PIEZO1: variants seen among roughly 807,000 people sequenced by gnomAD.
The protein encoded by PIEZO1 is piezo-type mechanosensitive ion channel component 1.
PIEZO1 carries 296 observed loss-of-function variants against 297.2 expected under a neutral mutation model. The ratio of observed to expected loss-of-function variants is 1.00; its 90% CI spans 0.91 to 1.10. PIEZO1 has a LOEUF of 1.10. PIEZO1 is among the 50% of genes least tolerant of loss of function. The probability of loss-of-function intolerance (pLI) is 0.00; values close to 1 mark genes in which losing one functional copy is unlikely to be tolerated. For missense variants in PIEZO1, 5,018 were observed against 3,455.5 expected (o/e 1.45, Z -11.34); for synonymous variants, 2,427 against 1,507.5 (o/e 1.61, Z -14.13).
chr16:88,716,630 A>G lies in PIEZO1; in HGVS notation c.6855T>C (p.Arg2285=). 4 of 1,549,938 alleles carry G rather than the reference A, an allele frequency of 2.6e-6. No individual in the cohort carries two copies. Among genetic ancestry groups the G allele is most frequent in the Non-Finnish European group, 3.5e-6 (4 of 1,146,910 alleles). Reference sequence around the variant, plus strand: ...TGTAGAGCTCCCGCTTCATCTGGGCACGGCTGGGGGGACTGATGCGCCACA... The same window carrying G: ...TGTAGAGCTCCCGCTTCATCTGGGCGCGGCTGGGGGGACTGATGCGCCACA... The part of the protein sequence containing the change: ...GALWRISPPS[R]AQMKRELYNG... The change falls in exon 47 of 51, where the codon CGT becomes CGC. Residue 2285 remains arginine (R), a synonymous_variant. Transcript: ENST00000301015.
chr16:88,737,794 C>A lies in PIEZO1; in HGVS notation c.1041G>T (p.Gly347=), dbSNP rs762349176. Residue 347 remains glycine, a synonymous_variant, in exon 9 of 51, where the codon GGG becomes GGT. Transcript: ENST00000301015. ...CTAGCTCCAGCTCCCGAGCCTCATA[C>A]CCCTTTGCCGCCTCCTTCCTCTGCA... ...PSGQRKEAAK[G]YEARELELAE... 2 of 1,535,838 alleles carry A rather than the reference C, an allele frequency of 1.3e-6. No homozygotes were observed. Among genetic ancestry groups the A allele is most frequent in the South Asian group, 1.2e-5 (1 of 84,064 alleles).
intron 21 of PIEZO1, 116 bp downstream of exon 21, chr16:88,732,219 T>G (rs1904899094): frequency 2.3e-6 from 2 of 871,306 alleles, no homozygotes; most frequent in Non-Finnish European, 3.6e-6. Context: ...TCCCCCACCC[T>G]CTGTGGCCCA....
At chr16:88,775,487 G>C (rs1246181002) in intron 1 of PIEZO1, among the ~76,000 whole-genome samples, 3 of 152,178 alleles carry the variant, frequency 2.0e-5, no homozygotes, top group Non-Finnish European at 4.4e-5. Context: ...CCAGCACTTT[G>C]GGAGGCCAAG....
At position 88,721,839 on chromosome 16, in the gene PIEZO1, C is replaced by T. The variant is rs1250878845; in HGVS notation, c.5183G>A (p.Arg1728His). Residue 1728 changes from arginine (R) to histidine (H), a missense_variant, in exon 37 of 51, where the codon CGC becomes CAC. Arg to His is a conservative substitution (Grantham distance 29). Transcript: ENST00000301015. ...AMLSIPRPSKRFWMTAIVFTE... is the reference protein window; with the variant it reads ...AMLSIPRPSKHFWMTAIVFTE... ...GAAGACGATGGCCGTCATCCAGAAGCGCTTGCTGGGCCTCGGGATCGACAG... is the reference window on the plus strand; with the variant it reads ...GAAGACGATGGCCGTCATCCAGAAGTGCTTGCTGGGCCTCGGGATCGACAG... 7.7e-6 allele frequency: 12 copies of T among 1,548,728 alleles called. No individual in the cohort carries two copies. The highest frequency in any genetic ancestry group is 2.7e-5 in the African/African-American group (2 of 73,154).
intron 1 of PIEZO1, among the ~76,000 whole-genome samples, chr16:88,769,749 T>G (rs900707786): frequency 1.4e-5 from 2 of 145,620 alleles, no homozygotes; most frequent in African/African-American, 5.2e-5. Context: ...AAACACAACA[T>G]GTAGCTCTGG....
At chr16:88,733,012 C>CAGGGGTGGG (rs1370525268) in intron 19 of PIEZO1, 1 of 582,700 alleles carries the variant, frequency 1.7e-6, no homozygotes, top group African/African-American at 1.9e-5. Flanking sequence ...TCTCCCTGTC[C>CAGGGGTGGG]AGGGGTGGGG....
intron 1 of PIEZO1, among the ~76,000 whole-genome samples, chr16:88,763,543 C>A (rs1432946369): frequency 6.6e-6 from 1 of 152,206 alleles, no homozygotes; most frequent in Admixed American, 6.5e-5. Context: ...CAGAACAGAA[C>A]AGGAAGGCAC....
intron 1 of PIEZO1, 151 bp downstream of exon 1, chr16:88,784,750 G>T: frequency 2.1e-6 from 1 of 486,682 alleles, no homozygotes; most frequent in Non-Finnish European, 3.2e-6. Flanking sequence ...CATGCTTCAG[G>T]AATGCGGGCG....
chr16:88,782,042 C>T (rs1907960833), intron 1 of PIEZO1, among the ~76,000 whole-genome samples: 1 of 152,250 alleles, frequency 6.6e-6, no homozygotes, highest in Admixed American at 6.5e-5. Context: ...TTCCGCAGCC[C>T]TGTCTAGATT....
chr16:88,758,221 C>T (rs1597478156), intron 1 of PIEZO1, among the ~76,000 whole-genome samples: 1 of 152,164 alleles, frequency 6.6e-6, no homozygotes, highest in African/African-American at 2.4e-5. Flanking sequence ...CAGCCCAAGT[C>T]CTTGTGCACC....
chr16:88,752,106 C>G (rs1166189962), intron 1 of PIEZO1, among the ~76,000 whole-genome samples: 2 of 152,174 alleles, frequency 1.3e-5, no homozygotes. Context: ...CGAAGAAGTT[C>G]TAGAGATGGG....
rs1904544925 is a variant in PIEZO1 at position 88,727,580 on chromosome 16, G to A, written c.3278C>T (p.Ala1093Val). The A allele has an allele frequency of 9.2e-6, 14 of 1,524,514 alleles. No homozygotes were observed. Among genetic ancestry groups the A allele is most frequent in the Non-Finnish European group, 1.2e-5 (13 of 1,128,756 alleles). 94.4% of individuals were successfully genotyped at this position (1,524,514 alleles called of 1,614,324 possible). The change falls in exon 23 of 51, where the codon GCC becomes GTC. Residue 1093 changes from alanine to valine, a missense_variant. Physicochemically the swap from Ala to Val is moderately conservative, Grantham distance 64. Transcript: ENST00000301015. ...KWLYLPDFFR[A>V]PNSTNLISDF... is the part of the protein sequence containing the mutation. ...ACTGATGAGGTTGGTGGAGTTGGGG[G>A]CCCGGAAGAAATCAGGCAGGTACAG...
At chr16:88,776,691 A>G (rs1185664795) in intron 1 of PIEZO1, among the ~76,000 whole-genome samples, 1 of 152,246 alleles carries the variant, frequency 6.6e-6, no homozygotes, top group Non-Finnish European at 1.5e-5. Flanking sequence ...TAGGGGATTC[A>G]GCAGACGGGA....
intron 29 of PIEZO1, 45 bp downstream of exon 29, chr16:88,725,371 A>G (rs776026753): frequency 6.0e-6 from 7 of 1,163,626 alleles, no homozygotes; most frequent in African/African-American, 4.7e-5. Flanking sequence ...AGGCACAGAC[A>G]TGCTGGACAC....
In PIEZO1 at chr16:88,723,254, C is replaced by G; in HGVS notation, c.4410G>C (p.Arg1470Ser). Residue 1470 changes from arginine to serine, a missense_variant, in exon 32 of 51, where the codon AGG becomes AGC. By Grantham distance (110) the Arg-to-Ser change is moderately radical. Transcript: ENST00000301015. Reference sequence around the variant, plus strand: ...TGGGTAGCTGTCCTGCCTGTTCCTGCCTTGCCTGCTCCTGCTCCTGCTGCC... The same window carrying G: ...TGGGTAGCTGTCCTGCCTGTTCCTGGCTTGCCTGCTCCTGCTCCTGCTGCC... ...RRRQQEQEQARQEQAGQLPTG... is the reference protein window; with the variant it reads ...RRRQQEQEQASQEQAGQLPTG... 1 of 1,544,688 alleles carries G rather than the reference C, an allele frequency of 6.5e-7. No individual in the cohort carries two copies. The highest frequency in any genetic ancestry group is 8.7e-7 in the Non-Finnish European group (1 of 1,146,628).
At chr16:88,724,935 G>A (rs1904323485) in intron 30 of PIEZO1, 74 bp downstream of exon 30, 2 of 942,814 alleles carry the variant, frequency 2.1e-6, no homozygotes, top group Non-Finnish European at 3.0e-6. Flanking sequence ...GGGGAAGATA[G>A]CAGGCCAGGC....
At position 88,719,904 on chromosome 16, in the gene PIEZO1, A is replaced by G; in HGVS notation, c.6221T>C (p.Phe2074Ser). The G allele has an allele frequency of 6.4e-7, 1 of 1,550,408 alleles. No individual in the cohort carries two copies. Among genetic ancestry groups the G allele is most frequent in the Non-Finnish European group, 8.7e-7 (1 of 1,146,946 alleles). The change falls in exon 43 of 51, where the codon TTC becomes TCC. Residue 2074 changes from phenylalanine (F) to serine (S), a missense_variant. Transcript: ENST00000301015. Reference sequence around the variant, plus strand: ...GCGGATCTGGTAGGCGGACAGGGCGAAGTAGATGCACTTCACGAAGTACCA... The same window carrying G: ...GCGGATCTGGTAGGCGGACAGGGCGGAGTAGATGCACTTCACGAAGTACCA... ...QLWYFVKCIY[F>S]ALSAYQIRCG...
intron 10 of PIEZO1, 65 bp from the exon 11 acceptor site, chr16:88,736,804 C>G: frequency 1.1e-5 from 12 of 1,061,658 alleles, no homozygotes; most frequent in African/African-American, 1.6e-5. Flanking sequence ...CCTGACTATG[C>G]CCTAAAATCT....
chr16:88,745,083 C>A (rs1218841746), intron 2 of PIEZO1: 1 of 151,618 alleles, frequency 6.6e-6, no homozygotes, highest in Non-Finnish European at 1.5e-5. Flanking sequence ...CACTCTCCCC[C>A]TGCAGGTCCC....
Sources: allele counts gnomAD v4.1 joint callset (sites outside exome capture counted in the v4.1 genomes callset), GRCh38; gene constraint gnomAD v4.1.1; transcripts MANE v1.5; gene names NCBI Gene and HGNC (gene_info 2026-07-23, HGNC 2026-07-21).